Variants in SI observed in about 807,000 individuals in gnomAD.
SI encodes sucrase-isomaltase.
SI carries 235 observed loss-of-function variants against 253.3 expected under a neutral mutation model. The ratio of observed to expected loss-of-function variants is 0.93; its 90% CI spans 0.83 to 1.03. The LOEUF is 1.03. Among genes scored for constraint, SI ranks in the 50% least tolerant of loss-of-function variants. The probability of loss-of-function intolerance (pLI) is 0.00; values close to 1 mark genes in which losing one functional copy is unlikely to be tolerated. For missense variants in SI, 2,442 were observed against 2,211.1 expected (o/e 1.10, Z -2.09); for synonymous variants, 819 against 712.0 (o/e 1.15, Z -2.39).
chr3:165,076,803 GTTTAA>G (rs908464512), intron 1 of SI, among the ~76,000 whole-genome samples: 2 of 151,548 alleles, frequency 1.3e-5, no homozygotes, highest in African/African-American at 4.8e-5. Context: ...AAGCATATTT[GTTTAA>G]TTTAATTTTG....
chr3:165,070,360 ATATATG>A (rs1353298619), intron 3 of SI, among the ~76,000 whole-genome samples: 1 of 121,514 alleles, frequency 8.2e-6, no homozygotes. Context: ...ATATATATAT[ATATATG>A]TGTGTGTGTG....
chr3:165,039,190 A>T, intron 19 of SI, 56 bp from the exon 20 acceptor site: 1 of 1,210,184 alleles, frequency 8.3e-7, no homozygotes, highest in South Asian at 1.3e-5. Context: ...GGAGGATCTT[A>T]TCAAATATTA....
rs113023426 is a variant in SI at position 164,987,191 on chromosome 3, T to C, written c.5144A>G (p.Asp1715Gly). 1 of 1,613,774 alleles carries C rather than the reference T, an allele frequency of 6.2e-7. No individual in the cohort carries two copies. The highest frequency in any genetic ancestry group is 1.7e-4 in the Middle Eastern group (1 of 6,056). The change falls in exon 45 of 48, where the codon GAT (aspartate) becomes GGT (glycine). Residue 1715 changes from aspartate (D) to glycine (G), a missense_variant. Physicochemically the swap from Asp to Gly is moderately conservative, Grantham distance 94. Transcript: ENST00000264382. ...QKHMKLIVAA[D>G]DNQMAQGSLF... ...AGAACCCTGTGCCATCTGATTATCA[T>C]CTGCAGCAACAATGAGCTTCATGTG...
upstream of SI, among the ~76,000 whole-genome samples, chr3:165,082,238 G>C (rs907932501): frequency 6.6e-6 from 1 of 151,744 alleles, no homozygotes; most frequent in African/African-American, 2.4e-5. Flanking sequence ...ATTCCTTTTT[G>C]TTAAGCGTTC....
intron 13 of SI, among the ~76,000 whole-genome samples, chr3:165,052,266 C>T (rs1039548719): frequency 6.6e-6 from 1 of 152,042 alleles, no homozygotes; most frequent in Non-Finnish European, 1.5e-5. Flanking sequence ...TATACCACTG[C>T]ATTAAATTAA....
intron 36 of SI, 84 bp downstream of exon 36, chr3:165,007,827 C>T (rs1345637045): frequency 2.1e-5 from 10 of 474,928 alleles, no homozygotes; most frequent in African/African-American, 4.1e-5. Context: ...GTATAGCTAA[C>T]TGATATATAT....
chr3:165,016,798 A>G (rs1325691267), intron 31 of SI, among the ~76,000 whole-genome samples: 2 of 151,950 alleles, frequency 1.3e-5, no homozygotes, highest in African/African-American at 4.8e-5. Flanking sequence ...TCAATAATGT[A>G]TACCTCCTTT....
At chr3:165,076,533 A>G (rs531993735) in intron 1 of SI, among the ~76,000 whole-genome samples, 2 of 151,842 alleles carry the variant, frequency 1.3e-5, no homozygotes, top group East Asian at 3.9e-4. Flanking sequence ...TCTAATTCCA[A>G]CACTACTTTC....
At chr3:164,989,407 A>AGAAAGAAG (rs1553768912) in intron 44 of SI, among the ~76,000 whole-genome samples, 4 of 146,872 alleles carry the variant, frequency 2.7e-5, no homozygotes, top group East Asian at 3.9e-4. Context: ...AAAGAAAGAA[A>AGAAAGAAG]GAAAGAAAGA....
intron 38 of SI, among the ~76,000 whole-genome samples, chr3:164,997,279 GAATT>G (rs2108136752): frequency 1.3e-5 from 2 of 151,690 alleles, no homozygotes; most frequent in South Asian, 4.2e-4. Flanking sequence ...ATATTTCTAA[GAATT>G]AATTGTTTTC....
Position 164,990,510 on chromosome 3 carries a change from T to C in SI, c.5108+843A>G, listed in dbSNP as rs79840749. ...TCCATGGGTCTCTTGCATTTTTATA[T>C]GTCATAGGCAGAGGCATTGACAGCC... On this transcript the variant is annotated intron_variant, in intron 44 of 47. Coordinates refer to ENST00000264382, the MANE Select transcript of SI (RefSeq NM_001041.4). Among the ~76,000 whole-genome samples, 123 of 152,296 alleles carry C rather than the reference T, an allele frequency of 8.1e-4. 2 individuals carry two copies. The East Asian group carries it at 0.018, about 23-fold the overall frequency.
intron 21 of SI, 29 bp downstream of exon 21, chr3:165,037,871 A>C (rs1361032053): frequency 6.9e-7 from 1 of 1,439,550 alleles, no homozygotes. Flanking sequence ...ATTTTATTTT[A>C]GATTTCAACT....
chr3:165,083,071 C>A (rs572888654), upstream of SI, among the ~76,000 whole-genome samples: 1 of 151,886 alleles, frequency 6.6e-6, no homozygotes, highest in Non-Finnish European at 1.5e-5. Flanking sequence ...AAAACAGCAA[C>A]ATACTCAAAA....
At chr3:165,089,488 A>C in the SI span, among the ~76,000 whole-genome samples, 3 of 152,234 alleles carry the variant, frequency 2.0e-5, no homozygotes, top group South Asian at 4.1e-4. Context: ...AAAGTGAATA[A>C]GGGGCCAGTG....
Position 165,017,632 on chromosome 3 carries a change from TC to T in SI, c.3674del (p.Gly1225AspfsTer43). The T allele has an allele frequency of 6.2e-7, 1 of 1,612,822 alleles. No individual in the cohort carries two copies. The highest frequency in any genetic ancestry group is 8.5e-7 in the Non-Finnish European group (1 of 1,179,150). On this transcript the variant is annotated frameshift_variant, in exon 31 of 48. Transcript: ENST00000264382. LOFTEE classifies it high-confidence loss of function. The stretch of plus-strand genomic sequence containing the variant: ...CATATCCATAACGACATAATTGGAA[TC>T]CCAAAGCCCAATAAGCTGGCATGAC... ...HPVMPAYWAL[G>X]FQLCRYGYAN...
intron 26 of SI, among the ~76,000 whole-genome samples, chr3:165,022,705 A>G (rs746631805): frequency 4.0e-5 from 6 of 151,650 alleles, no homozygotes; most frequent in Non-Finnish European, 8.9e-5. Context: ...TTTTAATTGT[A>G]TGAATTTTTA....
intron 13 of SI, among the ~76,000 whole-genome samples, chr3:165,051,400 T>C (rs1478568229): frequency 6.6e-6 from 1 of 152,072 alleles, no homozygotes; most frequent in Non-Finnish European, 1.5e-5. Flanking sequence ...ATATAGTTAT[T>C]CCAAAGTACA....
chr3:164,982,321 A>G lies in SI; in HGVS notation c.5337T>C (p.Thr1779=), dbSNP rs1717225992. The G allele has an allele frequency of 6.2e-7, 1 of 1,612,802 alleles. No homozygotes were observed. Among genetic ancestry groups the G allele is most frequent in the Non-Finnish European group, 8.5e-7 (1 of 1,179,132 alleles). ...LGSLHVWGKG[T]TPVNAVTLTY... ...TTAGAGTAACTGCATTGACAGGAGT[A>G]GTTCCTTTCCCCCATACATGAAGGG... The change falls in exon 47 of 48, where the codon ACT becomes ACC. Residue 1779 remains threonine, a synonymous_variant. Coordinates refer to ENST00000264382, the MANE Select transcript of SI (RefSeq NM_001041.4).
At chr3:164,996,875 T>A (rs1249083563) in intron 38 of SI, 103 bp from the exon 39 acceptor site, 2 of 605,150 alleles carry the variant, frequency 3.3e-6, no homozygotes, top group Non-Finnish European at 5.3e-6. Context: ...AATATCAACC[T>A]CCAAACCTGA....
Sources: allele counts gnomAD v4.1 joint callset (sites outside exome capture counted in the v4.1 genomes callset), GRCh38; gene constraint gnomAD v4.1.1; transcripts MANE v1.5; gene names NCBI Gene and HGNC (gene_info 2026-07-23, HGNC 2026-07-21).